Variants in SPATA17 observed in about 807,000 individuals in gnomAD.
SPATA17 encodes spermatogenesis associated 17.
SPATA17 carries 53 observed loss-of-function variants against 62.2 expected under a neutral mutation model. The ratio of observed to expected loss-of-function variants is 0.85; its 90% CI spans 0.68 to 1.07. SPATA17 has a LOEUF of 1.07. Among genes scored for constraint, SPATA17 ranks in the 50% least tolerant of loss-of-function variants. The pLI is 0.00. For synonymous variants in SPATA17, 146 were observed against 146.8 expected, an observed-to-expected ratio of 0.99 and a Z score of 0.04; for missense variants, 466 against 425.5, an observed-to-expected ratio of 1.10 and a Z score of -0.84.
chr1:217,762,076 T>G (rs1389455691), intron 6 of SPATA17, among the ~76,000 whole-genome samples: 1 of 152,158 alleles, frequency 6.6e-6, no homozygotes, highest in Admixed American at 6.6e-5. Flanking sequence ...CCTCCCTCAC[T>G]GTTTGCTCTT....
rs554482648 is a variant in SPATA17, at chr1:217,761,736, A to G, written c.520-12598A>G. ...TTTTAGTTTGTTTTTTTCAAGGATC[A>G]GTAAAATAGTGACCTGATATTTACA... On this transcript the variant is annotated intron_variant, in intron 6 of 10. Transcript: ENST00000366933. Among the ~76,000 whole-genome samples, 211 of 152,312 alleles carry G rather than the reference A, an allele frequency of 1.4e-3. 1 individual carries two copies. The highest frequency in any genetic ancestry group is 2.6e-3 in the Non-Finnish European group (177 of 68,022).
intron 9 of SPATA17, among the ~76,000 whole-genome samples, chr1:217,819,963 A>G (rs985414018): frequency 2.6e-5 from 4 of 152,084 alleles, no homozygotes; most frequent in Admixed American, 6.6e-5. Context: ...TAAATTAATC[A>G]CTGTTTTAAA....
At chr1:217,796,043 A>G (rs1674145636) in intron 8 of SPATA17, among the ~76,000 whole-genome samples, 1 of 151,038 alleles carries the variant, frequency 6.6e-6, no homozygotes. Context: ...AGTGATCCAC[A>G]CACCTTGGCC....
chr1:217,746,807 T>C (rs1308329380), intron 6 of SPATA17, among the ~76,000 whole-genome samples: 1 of 152,022 alleles, frequency 6.6e-6, no homozygotes, highest in Non-Finnish European at 1.5e-5. Flanking sequence ...AGTGAATTAA[T>C]AGACCCCTCA....
intron 5 of SPATA17, among the ~76,000 whole-genome samples, chr1:217,713,089 G>C (rs918590629): frequency 1.3e-5 from 2 of 152,082 alleles, no homozygotes; most frequent in Non-Finnish European, 2.9e-5. Flanking sequence ...AACCAGCCAC[G>C]GTGATACAAT....
At chr1:217,632,679 T>C (rs554197043) in intron 1 of SPATA17, among the ~76,000 whole-genome samples, 4 of 152,226 alleles carry the variant, frequency 2.6e-5, no homozygotes, top group Non-Finnish European at 5.9e-5. Context: ...GATAGCCCCA[T>C]ACAAATAATA....
intron 9 of SPATA17, among the ~76,000 whole-genome samples, chr1:217,859,763 C>T (rs1675861053): frequency 6.6e-6 from 1 of 152,018 alleles, no homozygotes; most frequent in Non-Finnish European, 1.5e-5. Flanking sequence ...TTTTTCAGTC[C>T]TGATATTAGT....
At chr1:217,779,722 A>G (rs1238495855) in intron 7 of SPATA17, among the ~76,000 whole-genome samples, 2 of 151,948 alleles carry the variant, frequency 1.3e-5, no homozygotes, top group African/African-American at 2.4e-5. Context: ...TACCAATAAT[A>G]AAAAAGTATA....
chr1:217,643,475 C>T (rs1217272272), intron 1 of SPATA17, among the ~76,000 whole-genome samples: 3 of 152,080 alleles, frequency 2.0e-5, no homozygotes, highest in African/African-American at 4.8e-5. Flanking sequence ...ACACACTGTC[C>T]TTGCTAAGCT....
chr1:217,734,939 A>C (rs1323064808), intron 5 of SPATA17, among the ~76,000 whole-genome samples: 1 of 152,162 alleles, frequency 6.6e-6, no homozygotes, highest in Non-Finnish European at 1.5e-5. Context: ...CAGGGACCAC[A>C]CTTTGAGACC....
chr1:217,786,765 CTTCTTCTTCTTCTTCTTCTTCTTCT>C (rs1673878679), intron 8 of SPATA17, among the ~76,000 whole-genome samples: 1 of 146,686 alleles, frequency 6.8e-6, no homozygotes, highest in South Asian at 2.2e-4. Context: ...TCTTCTTCTT[CTTCTTCTTCTTCTTCTTCTTCTTCT>C]TCTTCTTCTT....
At chr1:217,862,014 G>T (rs1168266549) in intron 9 of SPATA17, among the ~76,000 whole-genome samples, 1 of 151,274 alleles carries the variant, frequency 6.6e-6, no homozygotes, top group Non-Finnish European at 1.5e-5. Context: ...TTATATATGG[G>T]CCCTATAAAG....
At chr1:217,757,787 G>C (rs1673084360) in intron 6 of SPATA17, among the ~76,000 whole-genome samples, 1 of 152,180 alleles carries the variant, frequency 6.6e-6, no homozygotes, top group Non-Finnish European at 1.5e-5. Context: ...AGAGGATGCA[G>C]TGAAGATCAT....
chr1:217,701,634 G>GC (rs1671601706), intron 5 of SPATA17, among the ~76,000 whole-genome samples: 2 of 151,990 alleles, frequency 1.3e-5, no homozygotes, highest in Admixed American at 1.3e-4. Flanking sequence ...TGATTCACCT[G>GC]CCTCGGCCTC....
chr1:217,799,927 A>G (rs1674263201), intron 8 of SPATA17, among the ~76,000 whole-genome samples: 1 of 151,970 alleles, frequency 6.6e-6, no homozygotes, highest in African/African-American at 2.4e-5. Flanking sequence ...TTTGCTATTT[A>G]TAGTTTTTAT....
At chr1:217,782,136 C>A (rs765626444) in intron 7 of SPATA17, 38 bp from the exon 8 acceptor site, 21 of 1,523,922 alleles carry the variant, frequency 1.4e-5, no homozygotes, top group Non-Finnish European at 1.8e-5. Flanking sequence ...TCAAAAAAAT[C>A]TTCCATATAA....
At chr1:217,640,824 T>G (rs1294304740) in intron 1 of SPATA17, among the ~76,000 whole-genome samples, 1 of 151,984 alleles carries the variant, frequency 6.6e-6, no homozygotes, top group South Asian at 2.1e-4. Context: ...ATATAATACA[T>G]TTAGTGTTTT....
chr1:217,812,526 T>G (rs1169678115), intron 9 of SPATA17, among the ~76,000 whole-genome samples: 1 of 152,136 alleles, frequency 6.6e-6, no homozygotes, highest in Non-Finnish European at 1.5e-5. Context: ...ATTTGCAAAC[T>G]GCGCAAGTTA....
intron 9 of SPATA17, among the ~76,000 whole-genome samples, chr1:217,851,579 A>C (rs1675666495): frequency 6.6e-6 from 1 of 152,180 alleles, no homozygotes; most frequent in South Asian, 2.1e-4. Flanking sequence ...TTTGTTGCAT[A>C]AATTAAACTG....
Sources: gnomAD v4.1 joint callset for allele counts (sites outside exome capture counted in the v4.1 genomes callset) on GRCh38, gnomAD v4.1.1 for gene constraint, MANE v1.5 for transcripts, NCBI Gene and HGNC (gene_info 2026-07-23, HGNC 2026-07-21) for gene names.